The following ZNF226 variants were observed in gnomAD, a reference collection of about 807,000 sequenced individuals.
ZNF226 encodes the protein zinc finger protein 226.
Under a neutral mutation model 11.4 loss-of-function variants are expected in ZNF226, and 6 were observed. The ratio of observed to expected loss-of-function variants is 0.53; its 90% CI spans 0.29 to 1.04. The LOEUF (loss-of-function observed/expected upper bound fraction) is 1.04, where lower values mean the gene tolerates loss of function less well. Ranked by LOEUF, ZNF226 falls within the 50% of genes least tolerant of loss-of-function variation. The pLI is 0.08. For synonymous variants in ZNF226, 350 were observed against 322.8 expected, an observed-to-expected ratio of 1.08 and a Z score of -0.90; for missense variants, 1,058 against 956.5, an observed-to-expected ratio of 1.11 and a Z score of -1.40.
intron 3 of ZNF226, among the ~76,000 whole-genome samples, chr19:44,170,486 C>T (rs1969959132): frequency 6.6e-6 from 1 of 152,120 alleles, no homozygotes; most frequent in African/African-American, 2.4e-5. Context: ...CCTGTAATCC[C>T]AGCACTTTGG....
chr19:44,185,079 C>T, the ZNF226 span, among the ~76,000 whole-genome samples: 310 of 152,302 alleles, frequency 2.0e-3, 3 homozygotes, highest in African/African-American at 6.5e-3. Flanking sequence ...TGATTAATGT[C>T]GTGCCATGTG....
At position 44,176,426 on chromosome 19, in the gene ZNF226, G is replaced by A. The variant is rs1237513781; in HGVS notation, c.1164G>A (p.Glu388=). The part of the protein sequence containing the change: ...LQDHQRLHTG[E]KPFKCDACGK... ...ACCATCAGAGACTCCACACTGGGGA[G>A]AAGCCATTCAAATGTGATGCATGTG... The change falls in exon 6 of 6, where the codon GAG becomes GAA. Residue 388 remains glutamate (E), a synonymous_variant. Coordinates refer to ENST00000337433, the MANE Select transcript of ZNF226 (RefSeq NM_001032373.2). The A allele has an allele frequency of 6.2e-7, 1 of 1,614,086 alleles. No individual in the cohort carries two copies. Among genetic ancestry groups the A allele is most frequent in the Admixed American group, 1.7e-5 (1 of 60,020 alleles).
In ZNF226 at chr19:44,174,642, T is replaced by C. The variant is rs375022116; in HGVS notation, c.236-856T>C. 2.1e-3 allele frequency: 370 copies of C among 178,662 alleles called. 3 individuals carry two copies. Among genetic ancestry groups the C allele is most frequent in the African/African-American group, 8.2e-3 (347 of 42,566 alleles). 11.1% of individuals were successfully genotyped at this position (178,662 alleles called of 1,614,324 possible). On this transcript the variant is annotated intron_variant, in intron 5 of 5. Coordinates refer to ENST00000337433, the MANE Select transcript of ZNF226 (RefSeq NM_001032373.2). The stretch of plus-strand genomic sequence containing the variant: ...ATATGATACTTTATCTGTTTTTTTT[T>C]CCTAAATATCACAAGCTATTAAATT...
At chr19:44,182,209 T>C (rs545941285), downstream of ZNF226, among the ~76,000 whole-genome samples, 4 of 152,336 alleles carry the variant, frequency 2.6e-5, no homozygotes, top group East Asian at 5.8e-4. Context: ...AAGTATGTTA[T>C]AGAATTTCTC....
At chr19:44,196,311 A>G in the ZNF226 span, among the ~76,000 whole-genome samples, 70 of 152,364 alleles carry the variant, frequency 4.6e-4, no homozygotes, top group African/African-American at 1.5e-3. Context: ...CTAGTCAACC[A>G]TGTCCATTCC....
At chr19:44,182,352 T>C (rs1970917987), downstream of ZNF226, among the ~76,000 whole-genome samples, 1 of 141,402 alleles carries the variant, frequency 7.1e-6, no homozygotes, top group South Asian at 2.1e-4. Flanking sequence ...CGCGCGCGCG[T>C]GCATACACAC....
chr19:44,180,599 T>A (rs1054677325), downstream of ZNF226, among the ~76,000 whole-genome samples: 3 of 152,296 alleles, frequency 2.0e-5, no homozygotes, highest in African/African-American at 4.8e-5. Context: ...CCTTAAAGGT[T>A]TATTAGAATA....
intron 5 of ZNF226, 88 bp downstream of exon 5, chr19:44,173,040 T>C (rs1970287874): frequency 8.1e-7 from 1 of 1,240,756 alleles, no homozygotes; most frequent in Non-Finnish European, 1.1e-6. Flanking sequence ...CTGGTCCAAA[T>C]TGCCAACTGT....
chr19:44,192,947 A>T, the ZNF226 span, among the ~76,000 whole-genome samples: 1 of 152,188 alleles, frequency 6.6e-6, no homozygotes, highest in Non-Finnish European at 1.5e-5. Flanking sequence ...TTTTAACTAT[A>T]GGCAACTTGA....
chr19:44,175,854 C>A lies in ZNF226; in HGVS notation c.592C>A (p.Gln198Lys), dbSNP rs368192753. 3 of 1,613,474 alleles carry A rather than the reference C, an allele frequency of 1.9e-6. No homozygotes were observed. Among genetic ancestry groups the A allele is most frequent in the African/African-American group, 1.3e-5 (1 of 74,982 alleles). Residue 198 changes from glutamine (Q) to lysine (K), a missense_variant, in exon 6 of 6, where the codon CAA becomes AAA. By Grantham distance (53) the Gln-to-Lys change is moderately conservative. Transcript: ENST00000337433. ...AATTTCCATAAAAAATAAATTATGTCAATGTAAGAAGGGTGTTGATCCCAT... is the reference window on the plus strand; with the variant it reads ...AATTTCCATAAAAAATAAATTATGTAAATGTAAGAAGGGTGTTGATCCCAT... The part of the protein sequence containing the change: ...QQISIKNKLC[Q>K]CKKGVDPIGW...
At chr19:44,184,086 T>C in the ZNF226 span, among the ~76,000 whole-genome samples, 4 of 152,166 alleles carry the variant, frequency 2.6e-5, no homozygotes, top group African/African-American at 9.7e-5. Context: ...TGTTGAGTAG[T>C]TAGGCCACAG....
intron 2 of ZNF226, among the ~76,000 whole-genome samples, chr19:44,169,251 G>A (rs1760940279): frequency 6.6e-6 from 1 of 151,992 alleles, no homozygotes; most frequent in Non-Finnish European, 1.5e-5. Context: ...TAAGTGATCT[G>A]CTTGTCTTGG....
At chr19:44,189,015 AGTAGTTTTGTTTGT>A in the ZNF226 span, among the ~76,000 whole-genome samples, 300 of 152,290 alleles carry the variant, frequency 2.0e-3, no homozygotes, top group African/African-American at 7.0e-3. Context: ...TCTTCATGGA[AGTAGTTTTGTTTGT>A]GTAAGGTCAT....
At chr19:44,166,568 A>G (rs1375410457) in intron 2 of ZNF226, 3 of 152,258 alleles carry the variant, frequency 2.0e-5, no homozygotes, top group Non-Finnish European at 4.4e-5. Flanking sequence ...AATAATATAG[A>G]GGTAACACAT....
chr19:44,181,182 T>A (rs954168603), downstream of ZNF226, among the ~76,000 whole-genome samples: 11 of 152,108 alleles, frequency 7.2e-5, no homozygotes, highest in African/African-American at 1.9e-4. Flanking sequence ...GGTTCAAGAT[T>A]AGCCTGGGCA....
Position 44,177,546 on chromosome 19 carries a change from A to C in ZNF226, c.2284A>C (p.Lys762Gln). The change falls in exon 6 of 6, where the codon AAG (lysine) becomes CAG (glutamine). Residue 762 changes from lysine to glutamine, a missense_variant. Transcript: ENST00000337433. ...ACCTTATAAATGTGAGATATGTGGT[A>C]AGAGCTTCAGTTGGCGATCAAATCT... ...EKPYKCEICGKSFSWRSNLTV... is the reference protein window; with the variant it reads ...EKPYKCEICGQSFSWRSNLTV... 1 of 1,614,122 alleles carries C rather than the reference A, an allele frequency of 6.2e-7. No individual in the cohort carries two copies. Among genetic ancestry groups the C allele is most frequent in the Non-Finnish European group, 8.5e-7 (1 of 1,179,964 alleles).
intron 4 of ZNF226, 45 bp downstream of exon 4, chr19:44,172,259 T>C (rs1180365591): frequency 5.1e-6 from 8 of 1,582,616 alleles, no homozygotes; most frequent in Non-Finnish European, 6.9e-6. Context: ...CCTTGGAGTT[T>C]TAAGGCTTTG....
the ZNF226 span, among the ~76,000 whole-genome samples, chr19:44,198,077 G>T: frequency 1.3e-4 from 20 of 152,160 alleles, no homozygotes; most frequent in African/African-American, 3.6e-4. Flanking sequence ...CACTTCTTAA[G>T]AGATTTCTCC....
Position 44,176,411 on chromosome 19 carries a change from A to T in ZNF226, c.1149A>T (p.Arg383Ser), listed in dbSNP as rs1338150046. ...CCTCTCATCTTCAGGACCATCAGAG[A>T]CTCCACACTGGGGAGAAGCCATTCA... Reference protein sequence around the residue: ...SQASHLQDHQRLHTGEKPFKC... With the variant: ...SQASHLQDHQSLHTGEKPFKC... Residue 383 changes from arginine (R) to serine (S), a missense_variant, in exon 6 of 6, where the codon AGA becomes AGT. Transcript: ENST00000337433. The T allele has an allele frequency of 6.2e-7, 1 of 1,613,926 alleles. No individual in the cohort carries two copies. The highest frequency in any genetic ancestry group is 8.5e-7 in the Non-Finnish European group (1 of 1,179,954).
Sources: gnomAD v4.1 joint callset for allele counts (sites outside exome capture counted in the v4.1 genomes callset) on GRCh38, gnomAD v4.1.1 for gene constraint, MANE v1.5 for transcripts, NCBI Gene and HGNC (gene_info 2026-07-23, HGNC 2026-07-21) for gene names.